PATJ: variants seen among roughly 807,000 people sequenced by gnomAD.
The protein encoded by PATJ is inaD-like protein.
A neutral mutation model predicts 224.9 loss-of-function variants in PATJ; 190 were observed. The ratio of observed to expected loss-of-function variants is 0.84; its 90% CI spans 0.75 to 0.95. The LOEUF (loss-of-function observed/expected upper bound fraction) is 0.95, where lower values mean the gene tolerates loss of function less well. PATJ is among the 40% of genes least tolerant of loss of function. The probability of loss-of-function intolerance (pLI) is 0.00; values close to 1 mark genes in which losing one functional copy is unlikely to be tolerated. For missense variants in PATJ, 2,121 were observed against 2,270.3 expected, an observed-to-expected ratio of 0.93 and a Z score of 1.34; for synonymous variants, 769 against 820.3, an observed-to-expected ratio of 0.94 and a Z score of 1.07.
chr1:61,762,342 TGTG>T (rs994316104), intron 1 of PATJ, among the ~76,000 whole-genome samples: 38 of 152,312 alleles, frequency 2.5e-4, no homozygotes, highest in Admixed American at 2.2e-3. Context: ...TTATCCTTGT[TGTG>T]TGTATCAGTA....
intron 22 of PATJ, among the ~76,000 whole-genome samples, chr1:61,893,389 G>A (rs1669870244): frequency 6.6e-6 from 1 of 151,906 alleles, no homozygotes; most frequent in African/African-American, 2.4e-5. Flanking sequence ...TGTGAGAGTT[G>A]GCAATTTAGG....
At chr1:61,979,521 C>T (rs1042515952) in intron 27 of PATJ, among the ~76,000 whole-genome samples, 9 of 151,890 alleles carry the variant, frequency 5.9e-5, no homozygotes, top group South Asian at 2.1e-4. Flanking sequence ...GATGTGGTGG[C>T]GTGTACCTGT....
Position 62,056,975 on chromosome 1 carries a change from C to T in PATJ, c.4125+5917C>T, listed in dbSNP as rs139128541. Among the ~76,000 whole-genome samples, 267 of 152,180 alleles carry T rather than the reference C, an allele frequency of 1.8e-3. 1 individual carries two copies. Among genetic ancestry groups the T allele is most frequent in the African/African-American group, 6.2e-3 (256 of 41,538 alleles). Reference sequence around the variant, plus strand: ...CTGAGTAGCTGGGAATACAGGCATGCGCCACCAGGCCCGGCTAATTTTTGT... The same window carrying T: ...CTGAGTAGCTGGGAATACAGGCATGTGCCACCAGGCCCGGCTAATTTTTGT... On this transcript the variant is annotated intron_variant, in intron 31 of 43. Transcript: ENST00000642238.
rs1337205589 is a variant in PATJ, at chr1:61,787,984, T to C, written c.1068+12T>C. On this transcript the variant is annotated intron_variant, in intron 8 of 43. Transcript: ENST00000642238. ...AGGGCCCTGGTTCTGTGAGTATACA[T>C]ATCATTCTTTCATCTTAAACCAAAG... 6.3e-7 allele frequency: 1 copy of C among 1,596,954 alleles called. No homozygotes were observed.
intron 25 of PATJ, 56 bp downstream of exon 25, chr1:61,908,538 C>T (rs1320694331): frequency 7.6e-6 from 8 of 1,048,166 alleles, no homozygotes; most frequent in African/African-American, 3.1e-5. Flanking sequence ...TACCTGCAGA[C>T]CAAGCTTTGG....
At chr1:62,008,690 A>C (rs1646246712) in intron 28 of PATJ, among the ~76,000 whole-genome samples, 1 of 152,230 alleles carries the variant, frequency 6.6e-6, no homozygotes, top group African/African-American at 2.4e-5. Flanking sequence ...TCAAGGCTGC[A>C]GTGAGCCATG....
intron 27 of PATJ, among the ~76,000 whole-genome samples, chr1:61,982,614 G>A (rs1488688865): frequency 6.6e-6 from 1 of 152,002 alleles, no homozygotes; most frequent in Non-Finnish European, 1.5e-5. Flanking sequence ...TTAAAACTGA[G>A]GGAGAAATTC....
At chr1:62,082,777 T>C (rs1008885983) in intron 32 of PATJ, among the ~76,000 whole-genome samples, 2 of 152,182 alleles carry the variant, frequency 1.3e-5, no homozygotes, top group Non-Finnish European at 2.9e-5. Context: ...TGAGACATTA[T>C]TTTTCTTTTG....
chr1:62,147,591 G>A (rs1041003196), intron 41 of PATJ, among the ~76,000 whole-genome samples: 42 of 152,198 alleles, frequency 2.8e-4, no homozygotes, highest in Middle Eastern at 6.8e-3. Context: ...CTGAGGTCAG[G>A]AGTTCAAGAC....
intron 10 of PATJ, among the ~76,000 whole-genome samples, 177 bp from the exon 11 acceptor site, chr1:61,797,110 A>G (rs1651496178): frequency 6.6e-6 from 1 of 152,090 alleles, no homozygotes; most frequent in South Asian, 2.1e-4. Context: ...CAGGTGATCC[A>G]TGATCCACCC....
At chr1:62,144,775 A>T (rs933062419) in intron 41 of PATJ, among the ~76,000 whole-genome samples, 11,110 of 85,542 alleles carry the variant, frequency 0.13, 1,206 homozygotes, top group East Asian at 0.54. Context: ...GCAAAAAAAA[A>T]AAATATATAT....
At chr1:61,823,219 CT>C in intron 15 of PATJ, 140 bp downstream of exon 15, 1 of 758,356 alleles carries the variant, frequency 1.3e-6, no homozygotes, top group Non-Finnish European at 2.1e-6. Context: ...AACCGAACAG[CT>C]TACTGGATGA....
In PATJ at chr1:61,769,603, C is replaced by G. The variant is rs564775523; in HGVS notation, c.524+181C>G. Among the ~76,000 whole-genome samples, 3 of 152,244 alleles carry G rather than the reference C, an allele frequency of 2.0e-5. No individual in the cohort carries two copies. The East Asian group carries it at 5.8e-4, about 29-fold the overall frequency. On this transcript the variant is annotated intron_variant, in intron 5 of 43. Transcript: ENST00000642238. ...AATCCTATACCCCATGGCAGCAGTT[C>G]CACTATATAGGTATCATCATTCCAT...
At chr1:61,952,795 C>T (rs1237092850) in intron 27 of PATJ, among the ~76,000 whole-genome samples, 1 of 152,144 alleles carries the variant, frequency 6.6e-6, no homozygotes, top group Non-Finnish European at 1.5e-5. Flanking sequence ...ATTGTTGTTA[C>T]TTGTGACTTC....
chr1:62,060,260 T>C (rs964563686), intron 31 of PATJ, among the ~76,000 whole-genome samples: 3 of 152,216 alleles, frequency 2.0e-5, no homozygotes, highest in Non-Finnish European at 4.4e-5. Context: ...CAGAAGTTAA[T>C]GCACGTGCTC....
intron 22 of PATJ, among the ~76,000 whole-genome samples, chr1:61,893,676 C>A (rs1050287985): frequency 6.6e-6 from 1 of 151,700 alleles, no homozygotes; most frequent in African/African-American, 2.4e-5. Context: ...GTAGTGCATG[C>A]CTGTGGTCCC....
intron 11 of PATJ, among the ~76,000 whole-genome samples, chr1:61,799,447 G>T (rs1557666192): frequency 6.6e-6 from 1 of 152,048 alleles, no homozygotes; most frequent in East Asian, 1.9e-4. Flanking sequence ...CACCTGCCTT[G>T]GCCTCCCAAA....
intron 29 of PATJ, among the ~76,000 whole-genome samples, chr1:62,034,730 C>CAA (rs1650036819): frequency 3.3e-5 from 5 of 152,050 alleles, no homozygotes; most frequent in Admixed American, 1.3e-4. Context: ...TTCTTCTTTT[C>CAA]AGTGAGAGTA....
intron 27 of PATJ, among the ~76,000 whole-genome samples, chr1:61,977,209 ACCCG>A (rs1243454007): frequency 6.6e-6 from 1 of 151,916 alleles, no homozygotes; most frequent in East Asian, 1.9e-4. Context: ...AACCTCAGCC[ACCCG>A]CGGAGCTGGG....
Sources: allele counts gnomAD v4.1 joint callset (sites outside exome capture counted in the v4.1 genomes callset), GRCh38; gene constraint gnomAD v4.1.1; transcripts MANE v1.5; gene names NCBI Gene and HGNC (gene_info 2026-07-23, HGNC 2026-07-21).